The following ERO1B variants were observed in gnomAD, a reference collection of about 807,000 sequenced individuals.
ERO1B encodes the protein endoplasmic reticulum oxidoreductase 1 beta, also known as ERO1-like protein beta.
A neutral mutation model predicts 75.3 loss-of-function variants in ERO1B; 49 were observed. The observed-to-expected ratio is 0.65, with a 90% CI of 0.52 to 0.83. ERO1B has a LOEUF of 0.83. Among genes scored for constraint, ERO1B ranks in the 40% least tolerant of loss-of-function variants. The probability of loss-of-function intolerance (pLI) is 0.00; values close to 1 mark genes in which losing one functional copy is unlikely to be tolerated. For missense variants in ERO1B, 512 were observed against 560.1 expected, an observed-to-expected ratio of 0.91 and a Z score of 0.87; for synonymous variants, 191 against 192.9, an observed-to-expected ratio of 0.99 and a Z score of 0.08.
At chr1:236,277,592 T>G (rs567432623) in intron 1 of ERO1B, among the ~76,000 whole-genome samples, 1 of 152,120 alleles carries the variant, frequency 6.6e-6, no homozygotes, top group East Asian at 1.9e-4. Flanking sequence ...AGTTCATCAA[T>G]GGTAACCAAC....
chr1:236,253,798 A>G (rs1414921138), intron 2 of ERO1B, among the ~76,000 whole-genome samples: 1 of 152,258 alleles, frequency 6.6e-6, no homozygotes, highest in Non-Finnish European at 1.5e-5. Flanking sequence ...ACAAATAAGA[A>G]CTGAGCATCC....
intron 1 of ERO1B, among the ~76,000 whole-genome samples, chr1:236,277,641 G>A (rs544514129): frequency 6.6e-6 from 1 of 152,246 alleles, no homozygotes; most frequent in East Asian, 1.9e-4. Context: ...CTAGTAAATG[G>A]ATAGATATGG....
At chr1:236,244,479 G>A (rs923108160) in intron 5 of ERO1B, among the ~76,000 whole-genome samples, 4 of 152,110 alleles carry the variant, frequency 2.6e-5, no homozygotes, top group Admixed American at 6.5e-5. Flanking sequence ...ACTGAAATAC[G>A]TGATGCCATA....
chr1:236,260,622 G>A lies in ERO1B; in HGVS notation c.223-7117C>T, dbSNP rs182139343. Among the ~76,000 whole-genome samples the A allele has an allele frequency of 3.6e-4, 54 of 148,962 alleles. No homozygotes were observed. The East Asian group carries it at 5.6e-3, about 15-fold the overall frequency. ...GGAGGTTGCAATGAGCCGAGATCGC[G>A]CCACTGCACTCCAGCCTGGGCAACA... is the stretch of plus-strand genomic sequence containing the variant. On this transcript the variant is annotated intron_variant, in intron 2 of 15. Transcript: ENST00000354619.
chr1:236,277,358 C>T (rs908313365), intron 1 of ERO1B, among the ~76,000 whole-genome samples: 8 of 149,882 alleles, frequency 5.3e-5, no homozygotes, highest in African/African-American at 1.7e-4. Context: ...GAACTGAGAT[C>T]GAGCCACTGC....
At chr1:236,244,536 G>A (rs1489238133) in intron 5 of ERO1B, among the ~76,000 whole-genome samples, 1 of 152,154 alleles carries the variant, frequency 6.6e-6, no homozygotes, top group Non-Finnish European at 1.5e-5. Flanking sequence ...CTAAACTTGT[G>A]TTTAATAAGA....
chr1:236,242,067 CAA>C (rs11339161), intron 6 of ERO1B, among the ~76,000 whole-genome samples: 349 of 132,870 alleles, frequency 2.6e-3, no homozygotes, highest in South Asian at 0.013. Context: ...GACTCTGTCT[CAA>C]AAAAAAAAAA....
In ERO1B at chr1:236,253,492, C is replaced by G; in HGVS notation, c.236G>C (p.Arg79Pro). 1.2e-6 allele frequency: 2 copies of G among 1,607,016 alleles called. No homozygotes were observed. The highest frequency in any genetic ancestry group is 1.7e-6 in the Non-Finnish European group (2 of 1,175,388). The change falls in exon 3 of 16, where the codon CGA (arginine) becomes CCA (proline). Residue 79 changes from arginine (R) to proline (P), a missense_variant. Physicochemically the swap from Arg to Pro is moderately radical, Grantham distance 103 (BLOSUM62 -2). Transcript: ENST00000354619. ...ATCTTCTGCCCAGAAAGGACAAGGT[C>G]GCTTCAGATTAACCTTGAAAGAAAG... ...YFRYYKVNLK[R>P]PCPFWAEDGH...
intron 2 of ERO1B, among the ~76,000 whole-genome samples, chr1:236,261,913 A>G (rs562003385): frequency 6.6e-6 from 1 of 151,368 alleles, no homozygotes; most frequent in African/African-American, 2.4e-5. Flanking sequence ...ACTGCACTCC[A>G]GCCCAGGCAA....
At chr1:236,270,144 C>T in intron 1 of ERO1B, 150 bp from the exon 2 acceptor site, 1 of 556,464 alleles carries the variant, frequency 1.8e-6, no homozygotes. Flanking sequence ...TTACTTTTTA[C>T]TGTGGCCAAT....
intron 12 of ERO1B, among the ~76,000 whole-genome samples, chr1:236,225,412 T>G (rs1664255546): frequency 1.3e-5 from 2 of 152,206 alleles, no homozygotes; most frequent in Admixed American, 1.3e-4. Context: ...GAAAACAATC[T>G]ATGTAAAAAA....
At chr1:236,231,778 C>G (rs1664415026) in intron 9 of ERO1B, among the ~76,000 whole-genome samples, 1 of 152,056 alleles carries the variant, frequency 6.6e-6, no homozygotes, top group Non-Finnish European at 1.5e-5. Context: ...ATGAAAACGT[C>G]TAACAAATTA....
intron 8 of ERO1B, 69 bp from the exon 9 acceptor site, chr1:236,232,908 T>C (rs1664449120): frequency 7.4e-7 from 1 of 1,357,734 alleles, no homozygotes; most frequent in African/African-American, 1.5e-5. Context: ...ATACTATTTT[T>C]TGAGATTAAA....
rs575371302 is a variant in ERO1B at position 236,215,682 on chromosome 1, TTGTG to T, written c.*2830_*2833del. 6.6e-6 allele frequency: 1 copy of T among 152,076 alleles called. No individual in the cohort carries two copies. Among genetic ancestry groups the T allele is most frequent in the Non-Finnish European group, 1.5e-5 (1 of 67,998 alleles). The allele number at this position is 152,076 out of a possible 1,614,324, so 9.4% of individuals were successfully genotyped here. A position where few individuals can be genotyped will look rare whatever the true frequency, so the allele number is the denominator to read the frequency against. ...TCCTTAAAATACAGTACACATAGAT[TTGTG>T]TGTGTGTTTTTTTACCAAATAATTT... On this transcript the variant is annotated 3_prime_UTR_variant, in exon 16 of 16. Coordinates refer to ENST00000354619, the MANE Select transcript of ERO1B (RefSeq NM_019891.4).
intron 4 of ERO1B, among the ~76,000 whole-genome samples, chr1:236,250,601 A>ATATATATATATATAT (rs1664998378): frequency 4.7e-5 from 3 of 63,946 alleles, no homozygotes; most frequent in African/African-American, 1.7e-4. Context: ...ATATATATAT[A>ATATATATATATATAT]TATATATATA....
At chr1:236,258,289 G>A (rs530370550) in intron 2 of ERO1B, among the ~76,000 whole-genome samples, 1 of 152,022 alleles carries the variant, frequency 6.6e-6, no homozygotes, top group South Asian at 2.1e-4. Flanking sequence ...AAGCTGCAAG[G>A]GAAAAGTGAG....
chr1:236,221,776 TTTTTTC>T, intron 14 of ERO1B, 142 bp downstream of exon 14: 6 of 631,206 alleles, frequency 9.5e-6, no homozygotes, highest in Non-Finnish European at 1.7e-5. Context: ...TATACTTTAA[TTTTTTC>T]ATCAACAGAA....
At chr1:236,261,245 C>T (rs1665287854) in intron 2 of ERO1B, among the ~76,000 whole-genome samples, 1 of 152,122 alleles carries the variant, frequency 6.6e-6, no homozygotes, top group Admixed American at 6.5e-5. Flanking sequence ...AGATTAGAAA[C>T]AAGACAAGAA....
rs1664042921 is a variant in ERO1B, at chr1:236,218,072, ATT to A, written c.*442_*443del. 6.6e-6 allele frequency: 1 copy of A among 152,168 alleles called. No individual in the cohort carries two copies. Among genetic ancestry groups the A allele is most frequent in the African/African-American group, 2.4e-5 (1 of 41,442 alleles). The allele number at this position is 152,168 out of a possible 1,614,324, so 9.4% of individuals were successfully genotyped here. A position where few individuals can be genotyped will look rare whatever the true frequency, so the allele number is the denominator to read the frequency against. On this transcript the variant is annotated 3_prime_UTR_variant, in exon 16 of 16. Transcript: ENST00000354619. ...CACAGTGAGGCAAGGGTAAAAACACATTAAAAAGCATTGATAAATTTTTCTCA... is the reference window on the plus strand; with the variant it reads ...CACAGTGAGGCAAGGGTAAAAACACAAAAAAGCATTGATAAATTTTTCTCA...
Sources: gnomAD v4.1 joint callset for allele counts (sites outside exome capture counted in the v4.1 genomes callset) on GRCh38, gnomAD v4.1.1 for gene constraint, MANE v1.5 for transcripts, NCBI Gene and HGNC (gene_info 2026-07-23, HGNC 2026-07-21) for gene names.